CWC27: variants seen among roughly 807,000 people sequenced by gnomAD.
The protein encoded by CWC27 is CWC27 spliceosome associated cyclophilin.
CWC27 carries 47 observed loss-of-function variants against 63.6 expected under a neutral mutation model. That is an observed-to-expected ratio of 0.74 (90% CI 0.58 to 0.94). The LOEUF (loss-of-function observed/expected upper bound fraction) is 0.94. CWC27 is among the 40% of genes least tolerant of loss of function. The pLI is 0.00. For missense variants in CWC27, 495 were observed against 554.3 expected (o/e 0.89, Z 1.07); for synonymous variants, 175 against 179.8 (o/e 0.97, Z 0.22).
intron 10 of CWC27, among the ~76,000 whole-genome samples, chr5:64,832,852 C>T (rs2112266601): frequency 6.6e-6 from 1 of 151,782 alleles, no homozygotes; most frequent in African/African-American, 2.4e-5. Flanking sequence ...CTATTTACCT[C>T]ATAGACGCTC....
intron 10 of CWC27, among the ~76,000 whole-genome samples, chr5:64,859,820 T>C (rs943302281): frequency 7.9e-5 from 12 of 152,222 alleles, no homozygotes; most frequent in Admixed American, 2.0e-4. Flanking sequence ...TCAGGGGCTG[T>C]ACTGAATCCT....
At chr5:64,923,801 T>G (rs6864973) in intron 11 of CWC27, among the ~76,000 whole-genome samples, 1 of 151,884 alleles carries the variant, frequency 6.6e-6, no homozygotes, top group African/African-American at 2.4e-5. Context: ...TTTTAAAGTT[T>G]CCTTAAAACC....
intron 11 of CWC27, among the ~76,000 whole-genome samples, chr5:64,902,906 G>T (rs971088807): frequency 6.6e-6 from 1 of 152,146 alleles, no homozygotes; most frequent in Non-Finnish European, 1.5e-5. Flanking sequence ...GCACTGTTTT[G>T]TAGTTTTCAA....
At position 65,007,830 on chromosome 5, in the gene CWC27, G is replaced by A. The variant is rs559625571; in HGVS notation, c.1257-10329G>A. On this transcript the variant is annotated intron_variant, in intron 13 of 13. Transcript: ENST00000381070. ...TTTTTAGTAGGGACGGGGTTTCACC[G>A]TGTTAGCCAGGATGGTCTCAATCTC... is the stretch of plus-strand genomic sequence containing the variant. 1.1e-4 allele frequency among the ~76,000 whole-genome samples: 16 copies of A among 152,002 alleles called. 1 individual carries two copies. Among genetic ancestry groups the A allele is most frequent in the South Asian group, 6.2e-4 (3 of 4,808 alleles).
chr5:64,870,941 G>T (rs1746658996), intron 10 of CWC27, among the ~76,000 whole-genome samples: 1 of 152,022 alleles, frequency 6.6e-6, no homozygotes, highest in Non-Finnish European at 1.5e-5. Flanking sequence ...TTTTGTGCTT[G>T]ACAAGGAGCT....
At chr5:64,843,119 C>T (rs1323508035) in intron 10 of CWC27, among the ~76,000 whole-genome samples, 2 of 152,154 alleles carry the variant, frequency 1.3e-5, no homozygotes, top group Non-Finnish European at 2.9e-5. Flanking sequence ...CTTGAAAAGC[C>T]TCAGTCCACT....
intron 10 of CWC27, among the ~76,000 whole-genome samples, chr5:64,882,264 CA>C (rs1746957333): frequency 6.6e-6 from 1 of 152,078 alleles, no homozygotes; most frequent in Non-Finnish European, 1.5e-5. Flanking sequence ...TCTGGTCATT[CA>C]AAAGATTATG....
intron 11 of CWC27, among the ~76,000 whole-genome samples, chr5:64,918,394 C>T (rs1488025921): frequency 6.6e-6 from 1 of 151,888 alleles, no homozygotes; most frequent in Admixed American, 6.6e-5. Flanking sequence ...ATTATATCCT[C>T]GAATATTGCT....
chr5:64,811,360 G>A (rs1367232488), intron 10 of CWC27, among the ~76,000 whole-genome samples: 3 of 151,990 alleles, frequency 2.0e-5, no homozygotes, highest in African/African-American at 7.2e-5. Flanking sequence ...GGACCAGATA[G>A]TAAAAAATCA....
chr5:64,777,176 T>C (rs1024517204), intron 2 of CWC27, among the ~76,000 whole-genome samples: 5 of 152,204 alleles, frequency 3.3e-5, no homozygotes, highest in South Asian at 2.1e-4. Context: ...TAATACATTG[T>C]GTGACTACTA....
At chr5:64,881,899 A>G (rs1746944516) in intron 10 of CWC27, among the ~76,000 whole-genome samples, 1 of 152,200 alleles carries the variant, frequency 6.6e-6, no homozygotes, top group Non-Finnish European at 1.5e-5. Flanking sequence ...GGAAAACATC[A>G]TCTAAATGAC....
intron 7 of CWC27, among the ~76,000 whole-genome samples, chr5:64,795,646 A>G (rs565513887): frequency 1.2e-4 from 18 of 152,120 alleles, no homozygotes; most frequent in East Asian, 3.9e-4. Flanking sequence ...AATTGACTCT[A>G]TTGCTTCCCT....
chr5:64,850,098 A>G (rs917275031), intron 10 of CWC27, among the ~76,000 whole-genome samples: 2 of 152,088 alleles, frequency 1.3e-5, no homozygotes, highest in African/African-American at 2.4e-5. Context: ...CACACACACA[A>G]AAATCCCTTA....
At chr5:64,961,984 A>T (rs892118951) in intron 11 of CWC27, among the ~76,000 whole-genome samples, 20 of 152,344 alleles carry the variant, frequency 1.3e-4, no homozygotes, top group Non-Finnish European at 2.4e-4. Context: ...ATGCATCATT[A>T]TTGTTTATGA....
At chr5:64,976,429 C>T (rs957591254) in intron 12 of CWC27, among the ~76,000 whole-genome samples, 1 of 152,116 alleles carries the variant, frequency 6.6e-6, no homozygotes, top group African/African-American at 2.4e-5. Context: ...ATAAACAATA[C>T]TATTTTTTTA....
chr5:64,938,133 T>C (rs1580737601), intron 11 of CWC27, among the ~76,000 whole-genome samples: 1 of 152,284 alleles, frequency 6.6e-6, no homozygotes, highest in South Asian at 2.1e-4. Context: ...ATGTGTGAAT[T>C]TGATCCTGTC....
intron 11 of CWC27, among the ~76,000 whole-genome samples, chr5:64,905,594 G>A (rs1043322805): frequency 2.6e-5 from 4 of 152,090 alleles, no homozygotes; most frequent in African/African-American, 9.7e-5. Context: ...ACAAATTTTT[G>A]AGGGTGAATG....
chr5:64,840,436 T>TATATATA (rs1745802323), intron 10 of CWC27, among the ~76,000 whole-genome samples: 3 of 112,116 alleles, frequency 2.7e-5, no homozygotes, highest in Non-Finnish European at 3.6e-5. Context: ...TATATACTTA[T>TATATATA]TAAGGACATT....
chr5:64,891,771 T>TTTGTTG (rs56101875), intron 11 of CWC27, among the ~76,000 whole-genome samples: 42,736 of 147,526 alleles, frequency 0.29, 6,397 homozygotes, highest in African/African-American at 0.31. Context: ...CTTGGGATAC[T>TTTGTTG]TTGTTGTTGT....
Sources: allele counts gnomAD v4.1 joint callset (sites outside exome capture counted in the v4.1 genomes callset), GRCh38; gene constraint gnomAD v4.1.1; transcripts MANE v1.5; gene names NCBI Gene and HGNC (gene_info 2026-07-23, HGNC 2026-07-21).